RBFOX1: variants seen among roughly 807,000 people sequenced by gnomAD.
The protein encoded by RBFOX1 is RNA binding fox-1 homolog 1.
In RBFOX1, 8 loss-of-function variants were observed where a neutral mutation model predicts 57.7. The ratio of observed to expected loss-of-function variants is 0.14; its 90% CI spans 0.08 to 0.25. The LOEUF (loss-of-function observed/expected upper bound fraction) is 0.25, where lower values mean the gene tolerates loss of function less well. RBFOX1 is among the 10% of genes least tolerant of loss of function. The pLI is 1.00. For missense variants in RBFOX1, 611 were observed against 548.5 expected (o/e 1.11, Z -1.14); for synonymous variants, 326 against 222.4 (o/e 1.47, Z -4.15).
intron 3 of RBFOX1, among the ~76,000 whole-genome samples, chr16:7,035,694 G>A (rs1264256973): frequency 6.6e-6 from 1 of 152,156 alleles, no homozygotes; most frequent in African/African-American, 2.4e-5. Context: ...AAACAGCCAG[G>A]TGACCTAGAT....
intron 3 of RBFOX1, among the ~76,000 whole-genome samples, chr16:6,851,944 T>C (rs2094092904): frequency 6.6e-6 from 1 of 151,674 alleles, no homozygotes; most frequent in East Asian, 1.9e-4. Context: ...TTTTTTTCTT[T>C]TTTTGAGATG....
intron 3 of RBFOX1, among the ~76,000 whole-genome samples, chr16:5,640,458 GCA>G (rs1454125127): frequency 2.7e-5 from 4 of 148,594 alleles, no homozygotes; most frequent in African/African-American, 1.0e-4. Context: ...GCATACACAG[GCA>G]CACACACATG....
At chr16:5,719,834 T>C (rs1332890385) in intron 3 of RBFOX1, among the ~76,000 whole-genome samples, 1 of 152,200 alleles carries the variant, frequency 6.6e-6, no homozygotes, top group Admixed American at 6.5e-5. Context: ...TTTCCGTGTT[T>C]GGCTATTATG....
At chr16:7,230,682 A>C (rs973341362) in intron 4 of RBFOX1, among the ~76,000 whole-genome samples, 8 of 152,174 alleles carry the variant, frequency 5.3e-5, no homozygotes, top group African/African-American at 1.2e-4. Flanking sequence ...CTAAATATAG[A>C]AGGGGAGAGC....
At chr16:5,782,035 C>T (rs13380706) in intron 3 of RBFOX1, among the ~76,000 whole-genome samples, 109 of 152,246 alleles carry the variant, frequency 7.2e-4, no homozygotes, top group African/African-American at 2.5e-3. Flanking sequence ...GGTGAAACCC[C>T]GTCTCTACTA....
chr16:5,396,107 C>T (rs534177250), intron 1 of RBFOX1, among the ~76,000 whole-genome samples: 2 of 152,212 alleles, frequency 1.3e-5, no homozygotes, highest in South Asian at 4.2e-4. Flanking sequence ...GTTTTAAGCC[C>T]CCAGGGTTAT....
chr16:6,959,619 A>G (rs1391975198), intron 3 of RBFOX1, among the ~76,000 whole-genome samples: 4 of 152,142 alleles, frequency 2.6e-5, no homozygotes, highest in Non-Finnish European at 4.4e-5. Context: ...CTGTTCCAGC[A>G]CTGACTGAGT....
intron 4 of RBFOX1, among the ~76,000 whole-genome samples, chr16:7,110,027 C>T (rs927250537): frequency 2.6e-5 from 4 of 151,948 alleles, no homozygotes; most frequent in Non-Finnish European, 5.9e-5. Context: ...AGTTATAATT[C>T]ACCTGTTTAT....
At chr16:6,091,866 A>T (rs1238003909) in intron 1 of RBFOX1, among the ~76,000 whole-genome samples, 2 of 152,164 alleles carry the variant, frequency 1.3e-5, no homozygotes, top group Non-Finnish European at 2.9e-5. Flanking sequence ...ATTGTTGAAT[A>T]AATGGTCCTC....
chr16:7,470,219 A>G (rs1463147241), intron 4 of RBFOX1, among the ~76,000 whole-genome samples: 1 of 152,154 alleles, frequency 6.6e-6, no homozygotes, highest in African/African-American at 2.4e-5. Flanking sequence ...AACTTATCTC[A>G]CAGAGTATAA....
chr16:7,629,651 A>T (rs978910206), intron 10 of RBFOX1, among the ~76,000 whole-genome samples: 1 of 152,322 alleles, frequency 6.6e-6, no homozygotes, highest in East Asian at 1.9e-4. Context: ...TACCCTGACA[A>T]TTCCTGACCC....
chr16:7,646,823 G>C (rs2063828208), intron 11 of RBFOX1, among the ~76,000 whole-genome samples: 1 of 152,152 alleles, frequency 6.6e-6, no homozygotes, highest in South Asian at 2.1e-4. Flanking sequence ...TTCCTGGCTG[G>C]TGAGATGATC....
intron 1 of RBFOX1, among the ~76,000 whole-genome samples, chr16:6,240,705 G>A (rs962637825): frequency 2.6e-5 from 4 of 151,698 alleles, no homozygotes; most frequent in Admixed American, 6.6e-5. Context: ...TGCCATTGCT[G>A]TAGGGAAGGG....
intron 1 of RBFOX1, among the ~76,000 whole-genome samples, chr16:6,106,387 C>T (rs1465875018): frequency 6.9e-6 from 1 of 145,720 alleles, no homozygotes; most frequent in Non-Finnish European, 1.5e-5. Flanking sequence ...AATTGCTTGA[C>T]CCCTGGAGTG....
At chr16:6,128,450 G>T (rs1468877407) in intron 1 of RBFOX1, among the ~76,000 whole-genome samples, 1 of 152,190 alleles carries the variant, frequency 6.6e-6, no homozygotes, top group Non-Finnish European at 1.5e-5. Context: ...AGGCAGCTCT[G>T]TGATCTTGGA....
chr16:6,091,553 A>C (rs1005282361), intron 1 of RBFOX1, among the ~76,000 whole-genome samples: 1 of 152,172 alleles, frequency 6.6e-6, no homozygotes, highest in African/African-American at 2.4e-5. Context: ...GTTGAGGCCG[A>C]GTGTCATGGC....
At position 6,059,426 on chromosome 16, in the gene RBFOX1, T is replaced by G. The variant is rs527636817; in HGVS notation, c.-127+39434T>G. On this transcript the variant is annotated intron_variant, in intron 1 of 15. Coordinates refer to ENST00000550418, the MANE Select transcript of RBFOX1 (RefSeq NM_018723.4). Reference sequence around the variant, plus strand: ...ATATTATTGCACGCAATATAAACATTTATATAATAATTTATACTAAAGAAA... The same window carrying G: ...ATATTATTGCACGCAATATAAACATGTATATAATAATTTATACTAAAGAAA... Among the ~76,000 whole-genome samples the G allele has an allele frequency of 1.6e-4, 24 of 152,254 alleles. 1 individual carries two copies. The East Asian group carries it at 4.6e-3, about 29-fold the overall frequency.
intron 2 of RBFOX1, among the ~76,000 whole-genome samples, chr16:5,521,313 G>C (rs569146896): frequency 6.7e-6 from 1 of 148,698 alleles, no homozygotes; most frequent in Non-Finnish European, 1.5e-5. Context: ...TGCTGCCCCA[G>C]GTCCGTGCAA....
At chr16:6,432,903 G>A (rs1287926454) in intron 2 of RBFOX1, among the ~76,000 whole-genome samples, 1 of 152,014 alleles carries the variant, frequency 6.6e-6, no homozygotes, top group Non-Finnish European at 1.5e-5. Flanking sequence ...GCTTGAATCT[G>A]GGAGGTGGAT....
Sources: gnomAD v4.1 joint callset for allele counts (sites outside exome capture counted in the v4.1 genomes callset) on GRCh38, gnomAD v4.1.1 for gene constraint, MANE v1.5 for transcripts, NCBI Gene and HGNC (gene_info 2026-07-23, HGNC 2026-07-21) for gene names.